ASTN2: variants seen among roughly 807,000 people sequenced by gnomAD.
The protein encoded by ASTN2 is astrotactin 2.
In ASTN2, 54 loss-of-function variants were observed where a neutral mutation model predicts 139.8. The ratio of observed to expected loss-of-function variants is 0.39; its 90% CI spans 0.31 to 0.48. The LOEUF is 0.48. Among genes scored for constraint, ASTN2 ranks in the 20% least tolerant of loss-of-function variants. The pLI is 0.95. For synonymous variants in ASTN2, 756 were observed against 719.5 expected, an observed-to-expected ratio of 1.05 and a Z score of -0.81; for missense variants, 1,565 against 1,725.1, an observed-to-expected ratio of 0.91 and a Z score of 1.64.
chr9:116,776,021 C>T (rs114601553), intron 13 of ASTN2, among the ~76,000 whole-genome samples: 2,146 of 152,224 alleles, frequency 0.014, 66 homozygotes, highest in African/African-American at 0.049. Flanking sequence ...CATAAGGGTG[C>T]CCCACTGAAG....
chr9:117,114,376 T>G (rs1829326740), intron 4 of ASTN2, among the ~76,000 whole-genome samples: 2 of 152,200 alleles, frequency 1.3e-5, no homozygotes, highest in South Asian at 2.1e-4. Flanking sequence ...GGCATGAAAT[T>G]AGAACACAGA....
intron 22 of ASTN2, among the ~76,000 whole-genome samples, chr9:116,429,578 C>T (rs1208407235): frequency 6.6e-6 from 1 of 152,158 alleles, no homozygotes; most frequent in Admixed American, 6.5e-5. Flanking sequence ...AAAGCAAGCA[C>T]CTGATGCTTG....
chr9:117,191,501 A>G lies in ASTN2; in HGVS notation c.1015+22857T>C, dbSNP rs538753518. On this transcript the variant is annotated intron_variant, in intron 3 of 22. Coordinates refer to ENST00000313400, the MANE Select transcript of ASTN2 (RefSeq NM_001365068.1). Reference sequence around the variant, plus strand: ...TCACTAATGAGCATGCATAACTTTTATAATTAAGAAATATTAGATAAAATA... The same window carrying G: ...TCACTAATGAGCATGCATAACTTTTGTAATTAAGAAATATTAGATAAAATA... Among the ~76,000 whole-genome samples the G allele has an allele frequency of 1.3e-5, 2 of 152,366 alleles. 1 individual carries two copies. The highest frequency in any genetic ancestry group is 4.1e-4 in the South Asian group (2 of 4,832).
At chr9:117,055,885 C>T (rs1839046329) in intron 5 of ASTN2, among the ~76,000 whole-genome samples, 11 of 152,224 alleles carry the variant, frequency 7.2e-5, no homozygotes, top group Admixed American at 7.2e-4. Flanking sequence ...TTATGCAATG[C>T]CACTTCCAAG....
chr9:116,505,403 G>C (rs1564325829), intron 19 of ASTN2, among the ~76,000 whole-genome samples: 1 of 152,020 alleles, frequency 6.6e-6, no homozygotes, highest in Non-Finnish European at 1.5e-5. Context: ...ATGGATCTGA[G>C]TAGTCATTAG....
chr9:116,810,650 T>G (rs771156268), intron 12 of ASTN2, among the ~76,000 whole-genome samples: 1 of 152,226 alleles, frequency 6.6e-6, no homozygotes, highest in Admixed American at 6.5e-5. Flanking sequence ...CTAACATGTC[T>G]ACTAAATTTT....
At position 117,414,771 on chromosome 9, in the gene ASTN2, C is replaced by G. The variant is rs1417932822; in HGVS notation, c.168G>C (p.Ser56=). The change falls in exon 1 of 23, where the codon TCG becomes TCC. Residue 56 remains serine, a synonymous_variant. Coordinates refer to ENST00000313400, the MANE Select transcript of ASTN2 (RefSeq NM_001365068.1). This position sits in a 1 kb window ranked among gnomAD's most constrained non-coding sequence, Gnocchi z 4.2. ...PLLAGATAAA[S]REPDSPCRLK... ...GCCGGCACGGGCTGTCGGGCTCCCG[C>G]GAGGCAGCGGCGGTGGCGCCGGCCA... The G allele has an allele frequency of 5.5e-6, 7 of 1,265,934 alleles. No individual in the cohort carries two copies. The highest frequency in any genetic ancestry group is 1.6e-5 in the African/African-American group (1 of 63,140). The allele number at this position is 1,265,934 out of a possible 1,614,324, so 78.4% of individuals were successfully genotyped here.
At chr9:116,994,967 T>G (rs1420112516) in intron 7 of ASTN2, among the ~76,000 whole-genome samples, 5 of 152,186 alleles carry the variant, frequency 3.3e-5, no homozygotes, top group African/African-American at 1.2e-4. Context: ...GATTGCCATG[T>G]TGATATTCTT....
intron 10 of ASTN2, among the ~76,000 whole-genome samples, chr9:116,954,941 C>T (rs774195238): frequency 3.9e-5 from 6 of 152,162 alleles, no homozygotes; most frequent in Non-Finnish European, 7.3e-5. Context: ...TTTAAAAAGC[C>T]CTCCAAGTAA....
chr9:117,066,763 T>A (rs1452845231), intron 5 of ASTN2, among the ~76,000 whole-genome samples: 2 of 152,136 alleles, frequency 1.3e-5, no homozygotes, highest in African/African-American at 4.8e-5. Flanking sequence ...CCAGTGATGA[T>A]GAGCATTTTT....
chr9:117,402,239 G>T (rs539979251), intron 1 of ASTN2, among the ~76,000 whole-genome samples: 2 of 152,008 alleles, frequency 1.3e-5, no homozygotes, highest in Non-Finnish European at 2.9e-5. Context: ...GATAATTTTT[G>T]TGTTTTTAGT....
chr9:117,174,080 T>C (rs1026019066), intron 3 of ASTN2, among the ~76,000 whole-genome samples: 4 of 151,606 alleles, frequency 2.6e-5, no homozygotes, highest in African/African-American at 9.7e-5. Context: ...GACAGAATTA[T>C]AGATGTGGTA....
intron 2 of ASTN2, among the ~76,000 whole-genome samples, chr9:117,256,221 C>G (rs1056699158): frequency 3.3e-5 from 5 of 152,106 alleles, no homozygotes; most frequent in Admixed American, 2.0e-4. Flanking sequence ...CCTGTGCTTC[C>G]TCCTCCTATG....
intron 2 of ASTN2, among the ~76,000 whole-genome samples, chr9:117,217,628 C>G (rs79738707): frequency 3.3e-3 from 498 of 152,288 alleles, no homozygotes; most frequent in Admixed American, 5.6e-3. Flanking sequence ...AGATCTTTGG[C>G]TTTCTCATGG....
intron 2 of ASTN2, among the ~76,000 whole-genome samples, chr9:117,218,335 C>T (rs746319776): frequency 2.6e-5 from 4 of 152,202 alleles, no homozygotes; most frequent in Non-Finnish European, 4.4e-5. Context: ...TCCTCACTCC[C>T]CAGCCTGCCC....
intron 10 of ASTN2, among the ~76,000 whole-genome samples, chr9:116,880,503 T>G (rs1833425138): frequency 6.6e-6 from 1 of 152,090 alleles, no homozygotes; most frequent in Non-Finnish European, 1.5e-5. Flanking sequence ...AGAAAATAAA[T>G]AAATAAATAA....
At chr9:117,057,471 ATAG>A (rs1839095894) in intron 5 of ASTN2, among the ~76,000 whole-genome samples, 1 of 152,222 alleles carries the variant, frequency 6.6e-6, no homozygotes. Flanking sequence ...GACAGCAATA[ATAG>A]TAACAACATT....
chr9:116,527,760 C>CTGATAGTGA (rs1851157170), intron 19 of ASTN2, among the ~76,000 whole-genome samples: 1 of 152,004 alleles, frequency 6.6e-6, no homozygotes, highest in Non-Finnish European at 1.5e-5. Flanking sequence ...GGGTGGTCAC[C>CTGATAGTGA]CCCATGCTGT....
At chr9:117,312,156 C>T (rs1003306197) in intron 1 of ASTN2, among the ~76,000 whole-genome samples, 1 of 152,172 alleles carries the variant, frequency 6.6e-6, no homozygotes, top group Admixed American at 6.5e-5. Context: ...GCCCTTCTTC[C>T]CCCCAGAGAC....
Sources: allele counts gnomAD v4.1 joint callset (sites outside exome capture counted in the v4.1 genomes callset), GRCh38; gene constraint gnomAD v4.1.1; non-coding constraint Gnocchi (gnomAD v3.1); transcripts MANE v1.5; gene names NCBI Gene and HGNC (gene_info 2026-07-23, HGNC 2026-07-21).